INPP5F: variants seen among roughly 807,000 people sequenced by gnomAD.
INPP5F encodes the protein phosphatidylinositide 4-phosphatase SAC2.
Under a neutral mutation model 137.2 loss-of-function variants are expected in INPP5F, and 97 were observed. The ratio of observed to expected loss-of-function variants is 0.71; its 90% CI spans 0.60 to 0.84. INPP5F has a LOEUF of 0.84. Ranked by LOEUF, INPP5F falls within the 40% of genes least tolerant of loss-of-function variation. The pLI, the probability that INPP5F is intolerant of heterozygous loss-of-function variation, is 0.00. For synonymous variants in INPP5F, 504 were observed against 476.9 expected, an observed-to-expected ratio of 1.06 and a Z score of -0.74; for missense variants, 1,271 against 1,371.9, an observed-to-expected ratio of 0.93 and a Z score of 1.16.
At chr10:119,753,252 C>T (rs910297825) in intron 2 of INPP5F, among the ~76,000 whole-genome samples, 4 of 152,176 alleles carry the variant, frequency 2.6e-5, no homozygotes, top group African/African-American at 9.7e-5. Flanking sequence ...TTTTCAGTCA[C>T]ATCTTAGCAC....
intron 2 of INPP5F, among the ~76,000 whole-genome samples, chr10:119,771,845 GATATATATATATAT>G (rs374132653): frequency 0.013 from 435 of 32,752 alleles, 7 homozygotes; most frequent in South Asian, 0.018. Context: ...AAAGTATGGA[GATATATATATATAT>G]ATATATATAT....
At chr10:119,756,739 G>A (rs1213198631) in intron 2 of INPP5F, among the ~76,000 whole-genome samples, 5 of 152,062 alleles carry the variant, frequency 3.3e-5, no homozygotes, top group African/African-American at 9.7e-5. Flanking sequence ...CATTAGTAGC[G>A]TTAGTGAAAG....
chr10:119,787,012 C>G lies in INPP5F; in HGVS notation c.316-4505C>G, dbSNP rs2033828921. On this transcript the variant is annotated intron_variant, in intron 3 of 19. Transcript: ENST00000650623. This position sits in a 1 kb window ranked among gnomAD's most constrained non-coding sequence, Gnocchi z 4.1. ...AAAAGGTTATTCCCTGTATTTTCTACCCTCTAAAGTGGTTCTGGAGCATTA... is the reference window on the plus strand; with the variant it reads ...AAAAGGTTATTCCCTGTATTTTCTAGCCTCTAAAGTGGTTCTGGAGCATTA... Among the ~76,000 whole-genome samples, 2 of 151,986 alleles carry G rather than the reference C, an allele frequency of 1.3e-5. No homozygotes were observed. The highest frequency in any genetic ancestry group is 3.9e-4 in the East Asian group (2 of 5,190).
chr10:119,758,240 G>A (rs1353690729), intron 2 of INPP5F, among the ~76,000 whole-genome samples: 1 of 152,184 alleles, frequency 6.6e-6, no homozygotes, highest in African/African-American at 2.4e-5. Flanking sequence ...GCTCCTGGAT[G>A]GAAAGCATCT....
Position 119,732,673 on chromosome 10 carries a change from C to G in INPP5F, c.97+6314C>G, listed in dbSNP as rs1848115749. ...CTGCCACCATGCCTGGCTAATTTTT[C>G]TATTTTTAGTAGAGACGGGGTTTCG... On this transcript the variant is annotated intron_variant, in intron 1 of 19. Transcript: ENST00000650623. 2.0e-5 allele frequency among the ~76,000 whole-genome samples: 3 copies of G among 151,436 alleles called. No individual in the cohort carries two copies. The South Asian group carries it at 6.3e-4, about 32-fold the overall frequency.
chr10:119,748,744 G>A lies in INPP5F; in HGVS notation c.98-2332G>A, dbSNP rs544865466. Among the ~76,000 whole-genome samples, 2 of 152,264 alleles carry A rather than the reference G, an allele frequency of 1.3e-5. No homozygotes were observed. Among genetic ancestry groups the A allele is most frequent in the South Asian group, 4.1e-4 (2 of 4,826 alleles). ...TGCTGATTGGTCCATGGGAGGCCAC[G>A]GACGGCCTGGAGAAAGCACCCTGAG... On this transcript the variant is annotated intron_variant, in intron 1 of 19. Coordinates refer to ENST00000650623, the MANE Select transcript of INPP5F (RefSeq NM_014937.4). The surrounding 1 kb of genome is among the most constrained non-coding windows in gnomAD (Gnocchi z 4.7).
intron 1 of INPP5F, among the ~76,000 whole-genome samples, chr10:119,740,385 A>G (rs916087572): frequency 6.6e-5 from 10 of 152,230 alleles, no homozygotes; most frequent in South Asian, 2.1e-4. Context: ...CTGCAGGTCA[A>G]TGTTTCCCAT....
rs552494652 is a variant in INPP5F at position 119,748,990 on chromosome 10, C to A, written c.98-2086C>A. 6.6e-6 allele frequency among the ~76,000 whole-genome samples: 1 copy of A among 152,206 alleles called. No individual in the cohort carries two copies. The highest frequency in any genetic ancestry group is 1.5e-5 in the Non-Finnish European group (1 of 68,028). ...CTGCTGGCCTCTCTCCCACGCTTATCGGCACCCGAAGTCCAGAGGGGGCTG... is the reference window on the plus strand; with the variant it reads ...CTGCTGGCCTCTCTCCCACGCTTATAGGCACCCGAAGTCCAGAGGGGGCTG... On this transcript the variant is annotated intron_variant, in intron 1 of 19. Coordinates refer to ENST00000650623, the MANE Select transcript of INPP5F (RefSeq NM_014937.4). The surrounding 1 kb of genome is among the most constrained non-coding windows in gnomAD (Gnocchi z 4.7).
chr10:119,749,271 G>A (rs995324952), intron 1 of INPP5F, among the ~76,000 whole-genome samples: 1 of 152,224 alleles, frequency 6.6e-6, no homozygotes, highest in Non-Finnish European at 1.5e-5. Flanking sequence ...CGCCAACTTG[G>A]TAGGGGGCAG....
chr10:119,809,594 G>T (rs1230604506), intron 13 of INPP5F, among the ~76,000 whole-genome samples: 7 of 152,184 alleles, frequency 4.6e-5, no homozygotes, highest in Non-Finnish European at 8.8e-5. Context: ...TCACTGGGTT[G>T]TTCTACAGGT....
At chr10:119,738,056 G>C (rs535877300) in intron 1 of INPP5F, among the ~76,000 whole-genome samples, 68 of 152,292 alleles carry the variant, frequency 4.5e-4, no homozygotes, top group African/African-American at 1.6e-3. Context: ...TTAATCACTT[G>C]TTTTCTGTGT....
At chr10:119,749,407 G>T (rs1301255014) in intron 1 of INPP5F, among the ~76,000 whole-genome samples, 4 of 152,256 alleles carry the variant, frequency 2.6e-5, no homozygotes, top group Non-Finnish European at 5.9e-5. Flanking sequence ...CTGCAGTTTG[G>T]TATGTATACA....
In INPP5F at chr10:119,788,583, G is replaced by A. The variant is rs534395393; in HGVS notation, c.316-2934G>A. Among the ~76,000 whole-genome samples, 163 of 152,306 alleles carry A rather than the reference G, an allele frequency of 1.1e-3. 1 individual carries two copies. The highest frequency in any genetic ancestry group is 1.8e-3 in the Non-Finnish European group (124 of 68,034). On this transcript the variant is annotated intron_variant, in intron 3 of 19. Coordinates refer to ENST00000650623, the MANE Select transcript of INPP5F (RefSeq NM_014937.4). ...TTTACTCCTTGACCTGCCCCAATCA[G>A]ACTATAGTCCTTACAGTTCCAGTGC...
At chr10:119,824,923 A>T (rs932269609) in intron 19 of INPP5F, among the ~76,000 whole-genome samples, 1 of 152,218 alleles carries the variant, frequency 6.6e-6, no homozygotes, top group African/African-American at 2.4e-5. Flanking sequence ...TAGAATTCAT[A>T]ACTACCATTT....
chr10:119,742,461 A>G (rs1368936924), intron 1 of INPP5F, among the ~76,000 whole-genome samples: 2 of 152,194 alleles, frequency 1.3e-5, no homozygotes, highest in Admixed American at 6.5e-5. Context: ...TGGCCAGACA[A>G]CAGCTTTTTA....
chr10:119,816,345 T>C (rs1851276662), intron 15 of INPP5F: 1 of 152,218 alleles, frequency 6.6e-6, no homozygotes, highest in Non-Finnish European at 1.5e-5. Context: ...TGGATTACTC[T>C]TGGTGGACAG....
chr10:119,823,721 C>T lies in INPP5F; in HGVS notation c.2162-94C>T, dbSNP rs1032263604. 1.4e-4 allele frequency: 114 copies of T among 838,980 alleles called. No homozygotes were observed. In the Admixed American group the frequency reaches 2.5e-3, roughly 18 times the overall value. 52.0% of individuals were successfully genotyped at this position (838,980 alleles called of 1,614,324 possible). A position where few individuals can be genotyped will look rare whatever the true frequency, so the allele number is the denominator to read the frequency against. Reference sequence around the variant, plus strand: ...AATAAATTTGTATTTAATTATACGACGACAAATTTCATTCAGCGCTAAATG... The same window carrying T: ...AATAAATTTGTATTTAATTATACGATGACAAATTTCATTCAGCGCTAAATG... On this transcript the variant is annotated intron_variant, in intron 18 of 19. Transcript: ENST00000650623.
At chr10:119,791,232 C>T (rs1409121966) in intron 3 of INPP5F, among the ~76,000 whole-genome samples, 1 of 152,242 alleles carries the variant, frequency 6.6e-6, no homozygotes, top group Non-Finnish European at 1.5e-5. Context: ...ACATTTCACT[C>T]TTCAGTTATG....
chr10:119,781,887 A>G (rs1014850698), intron 3 of INPP5F, 116 bp downstream of exon 3: 2 of 818,648 alleles, frequency 2.4e-6, no homozygotes, highest in African/African-American at 1.7e-5. Flanking sequence ...ATGTTTTTAA[A>G]ATAATTTAAT....
Sources: gnomAD v4.1 joint callset for allele counts (sites outside exome capture counted in the v4.1 genomes callset) on GRCh38, gnomAD v4.1.1 for gene constraint, Gnocchi (gnomAD v3.1) non-coding constraint, MANE v1.5 for transcripts, NCBI Gene and HGNC (gene_info 2026-07-23, HGNC 2026-07-21) for gene names.